Variants in GALNTL6 observed in about 807,000 individuals in gnomAD.
GALNTL6 encodes the protein polypeptide N-acetylgalactosaminyltransferase-like 6.
A neutral mutation model predicts 73.7 loss-of-function variants in GALNTL6; 46 were observed. The observed-to-expected ratio is 0.62, with a 90% CI of 0.49 to 0.80. GALNTL6 has a LOEUF of 0.80. Among genes scored for constraint, GALNTL6 ranks in the 30% least tolerant of loss-of-function variants. The probability of loss-of-function intolerance (pLI) is 0.00; values close to 1 mark genes in which losing one functional copy is unlikely to be tolerated. For missense variants in GALNTL6, 604 were observed against 755.0 expected (o/e 0.80, Z 2.34); for synonymous variants, 259 against 263.7 (o/e 0.98, Z 0.17).
At chr4:171,931,241 G>C (rs1204504228) in intron 2 of GALNTL6, among the ~76,000 whole-genome samples, 1 of 152,100 alleles carries the variant, frequency 6.6e-6, no homozygotes, top group African/African-American at 2.4e-5. Flanking sequence ...GAGTGCAGTG[G>C]TGCAATCATG....
chr4:172,677,095 T>G (rs916049536), intron 5 of GALNTL6, among the ~76,000 whole-genome samples: 1 of 152,170 alleles, frequency 6.6e-6, no homozygotes, highest in African/African-American at 2.4e-5. Context: ...GGTGTCCTAC[T>G]ACTGAAAATG....
At chr4:172,718,948 C>T (rs1047306316) in intron 5 of GALNTL6, among the ~76,000 whole-genome samples, 1 of 151,604 alleles carries the variant, frequency 6.6e-6, no homozygotes, top group African/African-American at 2.4e-5. Flanking sequence ...TTTGTAAAAA[C>T]AACTCATTGA....
chr4:172,770,265 CAATA>C (rs146415769), intron 5 of GALNTL6, among the ~76,000 whole-genome samples: 2,053 of 141,336 alleles, frequency 0.015, 34 homozygotes, highest in African/African-American at 0.043. Flanking sequence ...GACTCCATCT[CAATA>C]AATAAATAAA....
chr4:172,736,526 G>T (rs896707514), intron 5 of GALNTL6, among the ~76,000 whole-genome samples: 3 of 152,128 alleles, frequency 2.0e-5, no homozygotes, highest in African/African-American at 7.2e-5. Context: ...CAAACAATTT[G>T]TGCAGATAAC....
At chr4:172,751,183 G>T (rs1331595573) in intron 5 of GALNTL6, among the ~76,000 whole-genome samples, 5 of 152,198 alleles carry the variant, frequency 3.3e-5, no homozygotes, top group Non-Finnish European at 7.3e-5. Flanking sequence ...ACTTCACTGA[G>T]AATGAAACAG....
intron 5 of GALNTL6, among the ~76,000 whole-genome samples, chr4:172,571,852 G>A (rs971868480): frequency 6.6e-6 from 1 of 152,114 alleles, no homozygotes; most frequent in African/African-American, 2.4e-5. Context: ...ATTGTAGTTA[G>A]CCTCAGACAC....
intron 3 of GALNTL6, among the ~76,000 whole-genome samples, chr4:172,241,431 TGAA>T (rs1273448036): frequency 2.0e-5 from 3 of 152,212 alleles, no homozygotes; most frequent in African/African-American, 7.2e-5. Context: ...TAGGACCTCA[TGAA>T]TAGCATCAGG....
chr4:171,871,469 T>G (rs1415721964), intron 2 of GALNTL6, among the ~76,000 whole-genome samples: 1 of 152,086 alleles, frequency 6.6e-6, no homozygotes, highest in East Asian at 1.9e-4. Context: ...CAATCTTCAA[T>G]CCTCAGTGCT....
intron 5 of GALNTL6, among the ~76,000 whole-genome samples, chr4:172,616,382 G>A (rs1346111644): frequency 1.3e-5 from 2 of 152,100 alleles, no homozygotes; most frequent in Admixed American, 6.6e-5. Context: ...CATCTGCAGA[G>A]GGAGACATTT....
chr4:171,961,055 C>G (rs1207578683), intron 2 of GALNTL6, among the ~76,000 whole-genome samples: 1 of 152,080 alleles, frequency 6.6e-6, no homozygotes, highest in African/African-American at 2.4e-5. Context: ...GGTTGGGACT[C>G]CTTTCCAGTA....
intron 5 of GALNTL6, among the ~76,000 whole-genome samples, chr4:172,513,054 A>G (rs1348106680): frequency 2.6e-5 from 4 of 152,266 alleles, no homozygotes; most frequent in Admixed American, 6.5e-5. Context: ...TTGGTTTCCA[A>G]ACTTTTAGAT....
chr4:172,501,241 A>G (rs1734251028), intron 5 of GALNTL6, among the ~76,000 whole-genome samples: 1 of 152,196 alleles, frequency 6.6e-6, no homozygotes, highest in Non-Finnish European at 1.5e-5. Context: ...AAATTTCTGT[A>G]TTATTTCTTA....
chr4:172,686,288 A>G (rs905125230), intron 5 of GALNTL6, among the ~76,000 whole-genome samples: 2 of 152,062 alleles, frequency 1.3e-5, no homozygotes, highest in East Asian at 3.9e-4. Flanking sequence ...GTCCTGCAAC[A>G]TCAGCAGGAC....
chr4:172,314,959 TA>T (rs1740493147), intron 4 of GALNTL6, among the ~76,000 whole-genome samples: 1 of 152,108 alleles, frequency 6.6e-6, no homozygotes, highest in Admixed American at 6.5e-5. Flanking sequence ...TTCACTAGTA[TA>T]AAAATAAACT....
At chr4:172,268,065 G>A (rs1738510135) in intron 3 of GALNTL6, among the ~76,000 whole-genome samples, 1 of 152,104 alleles carries the variant, frequency 6.6e-6, no homozygotes, top group Non-Finnish European at 1.5e-5. Context: ...CAAATATCTG[G>A]ATATGCAATT....
At chr4:172,103,261 C>G (rs1472372933) in intron 2 of GALNTL6, among the ~76,000 whole-genome samples, 1 of 152,100 alleles carries the variant, frequency 6.6e-6, no homozygotes, top group Non-Finnish European at 1.5e-5. Flanking sequence ...TAACCGGAAG[C>G]CAGAATTTTT....
rs754530646 is a variant in GALNTL6 at position 172,002,983 on chromosome 4, CAG to C, written c.138+188266_138+188267del. On this transcript the variant is annotated intron_variant, in intron 2 of 12. Coordinates refer to ENST00000506823, the MANE Select transcript of GALNTL6 (RefSeq NM_001034845.3). Reference sequence around the variant, plus strand: ...GTAACACAATTAATGGTGTCAATAACAGTATCATTTTGGCACATTAATCAATT... The same window carrying C: ...GTAACACAATTAATGGTGTCAATAACTATCATTTTGGCACATTAATCAATT... Among the ~76,000 whole-genome samples the C allele has an allele frequency of 7.2e-5, 11 of 152,218 alleles. No homozygotes were observed. In the South Asian group the frequency reaches 1.2e-3, roughly 17 times the overall value.
rs960497919 is a variant in GALNTL6 at position 171,907,593 on chromosome 4, C to T, written c.138+92875C>T. ...TCCAAGGTAATTTACAGATTCAATG[C>T]CATCCCCATCAAGCTACCAATGACT... On this transcript the variant is annotated intron_variant, in intron 2 of 12. Transcript: ENST00000506823. Among the ~76,000 whole-genome samples the T allele has an allele frequency of 4.6e-5, 7 of 151,940 alleles. 1 individual carries two copies. The highest frequency in any genetic ancestry group is 1.7e-4 in the African/African-American group (7 of 41,248).
intron 10 of GALNTL6, among the ~76,000 whole-genome samples, chr4:172,960,127 G>A (rs775533229): frequency 6.6e-5 from 10 of 152,178 alleles, no homozygotes; most frequent in South Asian, 2.1e-4. Flanking sequence ...AGAATAAGAC[G>A]GCCTTCTGAC....
Sources: allele counts gnomAD v4.1 joint callset (sites outside exome capture counted in the v4.1 genomes callset), GRCh38; gene constraint gnomAD v4.1.1; transcripts MANE v1.5; gene names NCBI Gene and HGNC (gene_info 2026-07-23, HGNC 2026-07-21).